Variants in ZC3H14 observed in about 807,000 individuals in gnomAD.
ZC3H14 encodes the protein zinc finger CCCH-type containing 14.
Under a neutral mutation model 92.4 loss-of-function variants are expected in ZC3H14, and 31 were observed. That is an observed-to-expected ratio of 0.34 (90% confidence interval 0.25 to 0.45). The LOEUF is 0.45. Among genes scored for constraint, ZC3H14 ranks in the 20% least tolerant of loss-of-function variants. The probability of loss-of-function intolerance (pLI) is 1.00; values close to 1 mark genes in which losing one functional copy is unlikely to be tolerated. For missense variants in ZC3H14, 781 were observed against 897.3 expected, an observed-to-expected ratio of 0.87 and a Z score of 1.66; for synonymous variants, 321 against 300.9, an observed-to-expected ratio of 1.07 and a Z score of -0.69.
chr14:88,571,514 G>A (rs907561186), intron 4 of ZC3H14, among the ~76,000 whole-genome samples: 5 of 151,896 alleles, frequency 3.3e-5, no homozygotes, highest in South Asian at 2.1e-4. Context: ...GAATATACAC[G>A]CATAAGATAC....
At chr14:88,577,949 A>G (rs571014410) in intron 8 of ZC3H14, 36 bp from the exon 9 acceptor site, 3 of 1,613,352 alleles carry the variant, frequency 1.9e-6, no homozygotes, top group East Asian at 4.5e-5. Flanking sequence ...GTATTACTGC[A>G]TTTGTATTTC....
At chr14:88,596,696 G>A in intron 9 of ZC3H14, 38 bp from the exon 10 acceptor site, 3 of 1,569,414 alleles carry the variant, frequency 1.9e-6, no homozygotes, top group Non-Finnish European at 2.6e-6. Flanking sequence ...TATTGTCTGT[G>A]TTGTAAGCTT....
intron 6 of ZC3H14, among the ~76,000 whole-genome samples, chr14:88,574,075 C>T (rs1452574041): frequency 1.3e-5 from 2 of 152,090 alleles, no homozygotes; most frequent in Admixed American, 6.6e-5. Flanking sequence ...TGGGGGGTTT[C>T]AATCAATTTT....
chr14:88,594,491 T>C (rs1038895231), intron 9 of ZC3H14: 1 of 1,355,422 alleles, frequency 7.4e-7, no homozygotes, highest in African/African-American at 1.5e-5. Flanking sequence ...GAGCAATTGG[T>C]CTGGTACGTT....
Position 88,572,818 on chromosome 14 carries a change from T to G in ZC3H14, c.672T>G (p.Asp224Glu). ...GACCACCTGCAAGTAGAAATGCAGA[T>G]AGTGGTGTTCATTTAAACAGGTTGC... ...IYRPPASRNA[D>E]SGVHLNRLQF... The change falls in exon 6 of 17, where the codon GAT (aspartate) becomes GAG (glutamate). Residue 224 changes from aspartate to glutamate, a missense_variant. By Grantham distance (45) the Asp-to-Glu change is conservative. This residue lies in a region of ZC3H14 where 454 missense variants were observed against 438.5 expected (regional missense o/e 1.04). Transcript: ENST00000251038. 6.2e-7 allele frequency: 1 copy of G among 1,614,210 alleles called. No individual in the cohort carries two copies. The highest frequency in any genetic ancestry group is 8.5e-7 in the Non-Finnish European group (1 of 1,180,034).
Position 88,618,132 on chromosome 14 carries a change from C to T in ZC3H14, c.*6381C>T, listed in dbSNP as rs1378868494. On this transcript the variant is annotated 3_prime_UTR_variant, in exon 17 of 17. Transcript: ENST00000251038. ...GTAACAAAAACTTGAAACTCAATTA[C>T]TATTCCTTATTGGAATGGCTCTAAC... is the stretch of plus-strand genomic sequence containing the variant. 4 of 967,876 alleles carry T rather than the reference C, an allele frequency of 4.1e-6. No individual in the cohort carries two copies. The East Asian group carries it at 7.7e-5, about 19-fold the overall frequency. 60.0% of individuals were successfully genotyped at this position (967,876 alleles called of 1,614,324 possible).
At chr14:88,571,048 A>G in intron 3 of ZC3H14, 36 bp from the exon 4 acceptor site, 1 of 1,500,484 alleles carries the variant, frequency 6.7e-7, no homozygotes, top group Non-Finnish European at 9.0e-7. Flanking sequence ...CTTTCTTAAC[A>G]GAAGGTTTAT....
At chr14:88,577,470 T>A (rs1413288847) in intron 8 of ZC3H14, among the ~76,000 whole-genome samples, 1 of 152,234 alleles carries the variant, frequency 6.6e-6, no homozygotes, top group African/African-American at 2.4e-5. Flanking sequence ...TGTTTACATA[T>A]GTTTGGATAA....
intron 9 of ZC3H14, among the ~76,000 whole-genome samples, chr14:88,586,069 G>A (rs922299559): frequency 6.6e-6 from 1 of 152,218 alleles, no homozygotes; most frequent in African/African-American, 2.4e-5. Flanking sequence ...TCAGGAGGCT[G>A]AGGCAGAAGA....
chr14:88,608,301 C>A, intron 13 of ZC3H14: 1 of 496,784 alleles, frequency 2.0e-6, no homozygotes, highest in East Asian at 5.7e-5. Context: ...CCCATCTCAC[C>A]CTGCAAGTGA....
rs1337347302 is a variant in ZC3H14, at chr14:88,572,093, G to A, written c.299G>A (p.Ser100Asn). 1 of 1,614,152 alleles carries A rather than the reference G, an allele frequency of 6.2e-7. No homozygotes were observed. Among genetic ancestry groups the A allele is most frequent in the Admixed American group, 1.7e-5 (1 of 60,020 alleles). The change falls in exon 5 of 17, where the codon AGC (serine) becomes AAC (asparagine). Residue 100 changes from serine (S) to asparagine (N), a missense_variant. By Grantham distance (46) the Ser-to-Asn change is conservative (BLOSUM62 1). This residue lies in a region of ZC3H14 where 106 missense variants were observed against 154.2 expected (regional missense o/e 0.69). Transcript: ENST00000251038. The stretch of plus-strand genomic sequence containing the variant: ...GATAGTAACGTGCCTTCAAACAAGA[G>A]CAATTTCAGTCGGGGAGATGAGAGG... ...IFDSNVPSNK[S>N]NFSRGDERRH...
intron 6 of ZC3H14, among the ~76,000 whole-genome samples, chr14:88,573,989 C>T (rs1282438179): frequency 2.0e-5 from 3 of 152,128 alleles, no homozygotes; most frequent in Non-Finnish European, 4.4e-5. Context: ...ATGGCTTGCT[C>T]CTAGAGTTCT....
In ZC3H14 at chr14:88,624,737, C is replaced by G. The variant is rs2089654971; in HGVS notation, c.*12986C>G. 1 of 482,960 alleles carries G rather than the reference C, an allele frequency of 2.1e-6. No homozygotes were observed. The highest frequency in any genetic ancestry group is 2.7e-5 in the South Asian group (1 of 36,744). The allele number at this position is 482,960 out of a possible 1,614,324, so 29.9% of individuals were successfully genotyped here. A position where few individuals can be genotyped will look rare whatever the true frequency, so the allele number is the denominator to read the frequency against. ...AGTAACTCAACTTGTAGGACAACTA[C>G]CTATCCACACCTCAGAAAAAGTATC... On this transcript the variant is annotated 3_prime_UTR_variant, in exon 17 of 17. Transcript: ENST00000251038.
chr14:88,594,459 A>T (rs2083537520), intron 9 of ZC3H14: 1 of 1,286,900 alleles, frequency 7.8e-7, no homozygotes, highest in African/African-American at 1.5e-5. Context: ...CCTACGTATT[A>T]GGGCTTCTTA....
At chr14:88,563,816 A>G (rs762277726) in intron 2 of ZC3H14, 123 bp downstream of exon 2, 36 of 920,924 alleles carry the variant, frequency 3.9e-5, no homozygotes, top group Non-Finnish European at 6.0e-5. Context: ...ACCTTCTTCA[A>G]ATCTTATACT....
chr14:88,618,162 C>G lies in ZC3H14; in HGVS notation c.*6411C>G. 1 of 1,380,758 alleles carries G rather than the reference C, an allele frequency of 7.2e-7. No individual in the cohort carries two copies. 85.5% of individuals were successfully genotyped at this position (1,380,758 alleles called of 1,614,324 possible). On this transcript the variant is annotated 3_prime_UTR_variant, in exon 17 of 17. Coordinates refer to ENST00000251038, the MANE Select transcript of ZC3H14 (RefSeq NM_024824.5). ...CCTTATTGGAATGGCTCTAACAGTT[C>G]AGAAATAGGATTTTCTAACTGGCCT...
At position 88,603,073 on chromosome 14, in the gene ZC3H14, C is replaced by T. The variant is rs758049463; in HGVS notation, c.1747+13C>T. Reference sequence around the variant, plus strand: ...AGCTTTTCTAACGGTGTGTTGAGAGCTCAGATTTTCAGGGTGCTGTCATTG... The same window carrying T: ...AGCTTTTCTAACGGTGTGTTGAGAGTTCAGATTTTCAGGGTGCTGTCATTG... On this transcript the variant is annotated intron_variant, in intron 12 of 16. Coordinates refer to ENST00000251038, the MANE Select transcript of ZC3H14 (RefSeq NM_024824.5). The T allele has an allele frequency of 1.2e-6, 2 of 1,612,142 alleles. No homozygotes were observed. The highest frequency in any genetic ancestry group is 4.5e-5 in the East Asian group (2 of 44,852).
chr14:88,597,636 C>T (rs2084026925), intron 10 of ZC3H14, among the ~76,000 whole-genome samples: 1 of 152,208 alleles, frequency 6.6e-6, no homozygotes, highest in Admixed American at 6.5e-5. Flanking sequence ...GAGCCACTGG[C>T]ATGTCACCCA....
intron 9 of ZC3H14, chr14:88,586,511 T>A (rs2082491970): frequency 6.6e-6 from 1 of 152,250 alleles, no homozygotes; most frequent in Non-Finnish European, 1.5e-5. Flanking sequence ...TCCCACTGTC[T>A]TCTGCTTTCC....
Sources: allele counts gnomAD v4.1 joint callset (sites outside exome capture counted in the v4.1 genomes callset), GRCh38; gene constraint gnomAD v4.1.1; regional missense constraint gnomAD v4.1.1; transcripts MANE v1.5; gene names NCBI Gene and HGNC (gene_info 2026-07-23, HGNC 2026-07-21).